DDC: variants seen among roughly 807,000 people sequenced by gnomAD.
The protein encoded by DDC is dopa decarboxylase.
DDC carries 43 observed loss-of-function variants against 60.0 expected under a neutral mutation model. The observed-to-expected ratio is 0.72, with a 90% confidence interval of 0.56 to 0.92. The LOEUF (loss-of-function observed/expected upper bound fraction) is 0.92, where lower values mean the gene tolerates loss of function less well. DDC is among the 40% of genes least tolerant of loss of function. The probability of loss-of-function intolerance (pLI) is 0.00; values close to 1 mark genes in which losing one functional copy is unlikely to be tolerated. For missense variants in DDC, 573 were observed against 620.2 expected (o/e 0.92, Z 0.81); for synonymous variants, 232 against 234.6 (o/e 0.99, Z 0.10).
At chr7:50,511,491 G>A (rs2043578398) in intron 6 of DDC, among the ~76,000 whole-genome samples, 1 of 152,186 alleles carries the variant, frequency 6.6e-6, no homozygotes, top group South Asian at 2.1e-4. Context: ...CACTTTGGGA[G>A]GCCGAGGCAG....
At chr7:50,526,589 A>T (rs1005386912) in intron 6 of DDC, among the ~76,000 whole-genome samples, 3 of 152,224 alleles carry the variant, frequency 2.0e-5, no homozygotes, top group Non-Finnish European at 2.9e-5. Flanking sequence ...CAAATAAAAA[A>T]CAAATAGACA....
At chr7:50,466,781 GC>G (rs1424649143) in intron 13 of DDC, among the ~76,000 whole-genome samples, 1 of 152,260 alleles carries the variant, frequency 6.6e-6, no homozygotes, top group Non-Finnish European at 1.5e-5. Context: ...TGCGCAGCCA[GC>G]AGCTCTAGGG....
chr7:50,543,840 G>A lies in DDC; in HGVS notation c.201+45C>T, dbSNP rs371030828. The A allele has an allele frequency of 9.6e-6, 15 of 1,568,768 alleles. No individual in the cohort carries two copies. The African/African-American group carries it at 2.0e-4, about 21-fold the overall frequency. On this transcript the variant is annotated intron_variant, in intron 2 of 14. Coordinates refer to ENST00000444124, the MANE Select transcript of DDC (RefSeq NM_001082971.2). Reference sequence around the variant, plus strand: ...TTGCTCAGAGCCAAGTAGGTGCTATGTGAGTTCTAGCCCTCCTGTTTTCTG... The same window carrying A: ...TTGCTCAGAGCCAAGTAGGTGCTATATGAGTTCTAGCCCTCCTGTTTTCTG...
chr7:50,551,392 G>A (rs1187179043), intron 1 of DDC, among the ~76,000 whole-genome samples: 3 of 151,814 alleles, frequency 2.0e-5, no homozygotes, highest in Non-Finnish European at 2.9e-5. Flanking sequence ...CACCATGCCC[G>A]GCTATTTTTT....
chr7:50,492,129 A>C (rs961834712), intron 9 of DDC, among the ~76,000 whole-genome samples: 2 of 152,224 alleles, frequency 1.3e-5, no homozygotes, highest in African/African-American at 4.8e-5. Context: ...CCTCAGAAGA[A>C]ACCAGCCTGC....
chr7:50,489,181 A>G (rs1242613415), intron 9 of DDC, among the ~76,000 whole-genome samples: 5 of 151,964 alleles, frequency 3.3e-5, no homozygotes. Flanking sequence ...TAATTTTTGT[A>G]TTTGTAGTAG....
intron 10 of DDC, 60 bp downstream of exon 10, chr7:50,479,727 G>A: frequency 6.9e-7 from 1 of 1,450,378 alleles, no homozygotes; most frequent in Non-Finnish European, 9.7e-7. Context: ...GGGACCTCCA[G>A]GGCAGCTCTG....
chr7:50,554,907 C>T (rs765939048), intron 1 of DDC, among the ~76,000 whole-genome samples: 26 of 152,178 alleles, frequency 1.7e-4, no homozygotes, highest in Non-Finnish European at 3.2e-4. Flanking sequence ...GGCAGCATGG[C>T]ACTGCGGGGG....
chr7:50,512,042 C>T (rs1173873183), intron 6 of DDC, among the ~76,000 whole-genome samples: 1 of 151,564 alleles, frequency 6.6e-6, no homozygotes, highest in Non-Finnish European at 1.5e-5. Flanking sequence ...CCACAAAAGC[C>T]TATTGAAATA....
intron 4 of DDC, among the ~76,000 whole-genome samples, chr7:50,537,348 A>G (rs546209013): frequency 2.0e-5 from 3 of 152,378 alleles, no homozygotes; most frequent in Admixed American, 2.0e-4. Flanking sequence ...TCTGAGCCAC[A>G]CAGAGTCTGT....
Position 50,479,790 on chromosome 7 carries a change from A to T in DDC, c.1018T>A (p.Ser340Thr). ...AGAAAGCAGGCTCACAGCTTACCTG[A>T]ATCCTGATGGCTGTGCTTCAGGTAA... ...PTYLKHSHQD[S>T]GLITDYRHWQ... The change falls in exon 10 of 15, where the codon TCA (serine) becomes ACA (threonine). Residue 340 changes from serine to threonine, a missense_variant. Coordinates refer to ENST00000444124, the MANE Select transcript of DDC (RefSeq NM_001082971.2). 4 of 1,613,494 alleles carry T rather than the reference A, an allele frequency of 2.5e-6. No homozygotes were observed. The highest frequency in any genetic ancestry group is 3.4e-6 in the Non-Finnish European group (4 of 1,179,830).
chr7:50,560,111 C>T (rs1284961147), intron 1 of DDC, among the ~76,000 whole-genome samples: 3 of 152,152 alleles, frequency 2.0e-5, no homozygotes, highest in Admixed American at 6.5e-5. Flanking sequence ...GGTCACCGCA[C>T]GCTGCCAGCA....
At chr7:50,481,598 AC>A (rs1166069484) in intron 9 of DDC, among the ~76,000 whole-genome samples, 1 of 152,080 alleles carries the variant, frequency 6.6e-6, no homozygotes, top group Non-Finnish European at 1.5e-5. Context: ...ATAAATCACC[AC>A]CCCCTGCTTA....
chr7:50,532,653 C>T (rs527334729), intron 4 of DDC, among the ~76,000 whole-genome samples: 1 of 152,306 alleles, frequency 6.6e-6, no homozygotes, highest in African/African-American at 2.4e-5. Flanking sequence ...AAGCACAAGA[C>T]ATAGGCTAAA....
chr7:50,542,102 T>C (rs1203131625), intron 2 of DDC: 1 of 152,144 alleles, frequency 6.6e-6, no homozygotes, highest in Non-Finnish European at 1.5e-5. Context: ...CACGACACTG[T>C]TAGGGGCTGA....
At chr7:50,530,217 T>A (rs1265113333) in intron 4 of DDC, among the ~76,000 whole-genome samples, 1 of 151,982 alleles carries the variant, frequency 6.6e-6, no homozygotes. Flanking sequence ...ATTACAACAC[T>A]GCACTCCAGC....
chr7:50,525,059 T>G (rs1188552442), intron 6 of DDC, among the ~76,000 whole-genome samples: 2 of 152,258 alleles, frequency 1.3e-5, no homozygotes, highest in Non-Finnish European at 2.9e-5. Flanking sequence ...AAGGCCATTA[T>G]GCTGAGTGAG....
At chr7:50,469,372 C>T (rs1478148616) in intron 12 of DDC, among the ~76,000 whole-genome samples, 1 of 151,934 alleles carries the variant, frequency 6.6e-6, no homozygotes, top group Admixed American at 6.6e-5. Flanking sequence ...GGTTGCTGGG[C>T]CCCACTGCAG....
At chr7:50,539,851 G>T in intron 3 of DDC, 64 bp downstream of exon 3, 1 of 1,259,386 alleles carries the variant, frequency 7.9e-7, no homozygotes. Flanking sequence ...CATAGGTACC[G>T]TGTCCCCACC....
Sources: gnomAD v4.1 joint callset for allele counts (sites outside exome capture counted in the v4.1 genomes callset) on GRCh38, gnomAD v4.1.1 for gene constraint, MANE v1.5 for transcripts, NCBI Gene and HGNC (gene_info 2026-07-23, HGNC 2026-07-21) for gene names.